The following RTL4 variants were observed in gnomAD, a reference collection of about 807,000 sequenced individuals.
The protein encoded by RTL4 is retrotransposon Gag-like protein 4.
Under a neutral mutation model 5.3 loss-of-function variants are expected in RTL4, and 4 were observed. That is an observed-to-expected ratio of 0.75 (90% CI 0.37 to 1.72). RTL4 has a LOEUF of 1.72. Among genes scored for constraint, RTL4 ranks in the 40% most tolerant of loss-of-function variants. RTL4 has a pLI of 0.04. For synonymous variants in RTL4, 98 were observed against 87.3 expected (o/e 1.12, Z -0.68); for missense variants, 260 against 227.1 (o/e 1.14, Z -0.93).
chrX:112,394,696 G>T, the RTL4 span, among the ~76,000 whole-genome samples: 1 of 111,763 alleles, frequency 8.9e-6, no homozygotes, highest in African/African-American at 3.2e-5. Context: ...TTTTGCAGGA[G>T]ATAATTTTTT....
At chrX:112,356,582 GTGTGTGTGTGTGT>G in the RTL4 span, among the ~76,000 whole-genome samples, 1 of 71,793 alleles carries the variant, frequency 1.4e-5, no homozygotes, top group African/African-American at 4.5e-5. Flanking sequence ...GTTTTGGGGT[GTGTGTGTGTGTGT>G]GTGTGTGTGT....
At chrX:112,263,815 TA>T in the RTL4 span, among the ~76,000 whole-genome samples, 1 of 112,018 alleles carries the variant, frequency 8.9e-6, no homozygotes, top group South Asian at 3.7e-4. Context: ...ATGGATGTAT[TA>T]ATTACTTTGA....
At chrX:112,298,744 G>T in the RTL4 span, among the ~76,000 whole-genome samples, 1 of 112,767 alleles carries the variant, frequency 8.9e-6, no homozygotes, top group South Asian at 3.7e-4. Context: ...CCCTTTGGGG[G>T]TAGTGGGGTT....
the RTL4 span, among the ~76,000 whole-genome samples, chrX:112,403,672 A>G: frequency 7.7e-4 from 86 of 112,058 alleles, no homozygotes; most frequent in African/African-American, 2.4e-3. Context: ...TTCATGTTCT[A>G]TCTACTCTTA....
chrX:112,197,205 A>G, the RTL4 span, among the ~76,000 whole-genome samples: 1 of 93,197 alleles, frequency 1.1e-5, no homozygotes, highest in South Asian at 4.4e-4. Context: ...TTGTTATATG[A>G]AAAAAAAAAA....
At chrX:112,111,918 C>T in the RTL4 span, among the ~76,000 whole-genome samples, 1,577 of 111,641 alleles carry the variant, frequency 0.014, 14 homozygotes, top group Non-Finnish European at 0.022. Context: ...GGTTGAGGGC[C>T]GCACACATGT....
chrX:112,390,077 G>C, the RTL4 span, among the ~76,000 whole-genome samples: 1 of 69,883 alleles, frequency 1.4e-5, no homozygotes, highest in Non-Finnish European at 2.6e-5. Flanking sequence ...TATGAACCTG[G>C]GTGCCCCTCT....
the RTL4 span, among the ~76,000 whole-genome samples, chrX:112,165,542 T>G: frequency 9.8e-5 from 11 of 111,869 alleles, no homozygotes; most frequent in South Asian, 3.8e-4. Context: ...AAGACCCATA[T>G]GAAATCTTAT....
At chrX:112,299,209 A>T in the RTL4 span, among the ~76,000 whole-genome samples, 165 of 111,950 alleles carry the variant, frequency 1.5e-3, no homozygotes, top group African/African-American at 5.2e-3. Context: ...GGTCTGATAT[A>T]TAACAGGGCA....
the RTL4 span, among the ~76,000 whole-genome samples, chrX:112,108,286 T>G: frequency 8.9e-6 from 1 of 112,453 alleles, no homozygotes; most frequent in Non-Finnish European, 1.9e-5. Context: ...GAATTCTTTG[T>G]GTAGCAGTTT....
the RTL4 span, among the ~76,000 whole-genome samples, chrX:112,176,749 T>G: frequency 9.0e-6 from 1 of 111,499 alleles, no homozygotes; most frequent in Non-Finnish European, 1.9e-5. Flanking sequence ...TTTCCTATTG[T>G]ACTATTGAAT....
the RTL4 span, among the ~76,000 whole-genome samples, chrX:112,246,009 C>T: frequency 1.2e-4 from 13 of 112,459 alleles, no homozygotes; most frequent in Non-Finnish European, 2.4e-4. Context: ...ACCCTGTTTC[C>T]CAGGGTATCA....
chrX:112,195,886 C>T, the RTL4 span, among the ~76,000 whole-genome samples: 6 of 111,148 alleles, frequency 5.4e-5, no homozygotes, highest in African/African-American at 1.6e-4. Flanking sequence ...AAGAAGCAAA[C>T]GATTTTTTTT....
At chrX:112,420,481 G>T in the RTL4 span, among the ~76,000 whole-genome samples, 1 of 111,709 alleles carries the variant, frequency 9.0e-6, no homozygotes, top group Non-Finnish European at 1.9e-5. Flanking sequence ...CAACAGAGAC[G>T]TAATATGTTA....
chrX:112,415,395 T>C, the RTL4 span, among the ~76,000 whole-genome samples: 71 of 112,007 alleles, frequency 6.3e-4, no homozygotes, highest in Non-Finnish European at 8.1e-4. Context: ...CAATTCATTT[T>C]TAATAGCTAT....
the RTL4 span, among the ~76,000 whole-genome samples, chrX:112,381,157 C>T: frequency 9.0e-6 from 1 of 110,596 alleles, no homozygotes; most frequent in Non-Finnish European, 1.9e-5. Context: ...ACATTGTTCC[C>T]GCGAGTTGCA....
the RTL4 span, among the ~76,000 whole-genome samples, chrX:112,414,666 C>G: frequency 1.8e-5 from 2 of 111,752 alleles, no homozygotes; most frequent in Non-Finnish European, 3.8e-5. Context: ...CCTAATTCTT[C>G]TCACTCTCAT....
chrX:112,300,740 T>G, the RTL4 span, among the ~76,000 whole-genome samples: 3 of 112,446 alleles, frequency 2.7e-5, no homozygotes, highest in Non-Finnish European at 5.6e-5. Flanking sequence ...AAAAACAGAT[T>G]CGCATCCATC....
the RTL4 span, among the ~76,000 whole-genome samples, chrX:112,328,313 T>C: frequency 1.8e-4 from 20 of 110,489 alleles, no homozygotes; most frequent in African/African-American, 3.0e-4. Flanking sequence ...TGGAGGAAGA[T>C]CTGCCAAGCA....
Sources: allele counts gnomAD v4.1 joint callset (sites outside exome capture counted in the v4.1 genomes callset), GRCh38; gene constraint gnomAD v4.1.1; transcripts MANE v1.5; gene names NCBI Gene and HGNC (gene_info 2026-07-23, HGNC 2026-07-21).